SAMHD1: variants seen among roughly 807,000 people sequenced by gnomAD.
SAMHD1 encodes the protein deoxynucleoside triphosphate triphosphohydrolase SAMHD1.
SAMHD1 carries 54 observed loss-of-function variants against 79.6 expected under a neutral mutation model. The observed-to-expected ratio is 0.68, with a 90% CI of 0.55 to 0.85. The LOEUF (loss-of-function observed/expected upper bound fraction) is 0.85. SAMHD1 is among the 40% of genes least tolerant of loss of function. The probability of loss-of-function intolerance (pLI) is 0.00; values close to 1 mark genes in which losing one functional copy is unlikely to be tolerated. For synonymous variants in SAMHD1, 260 were observed against 264.1 expected (o/e 0.98, Z 0.15); for missense variants, 663 against 782.7 (o/e 0.85, Z 1.82).
At chr20:36,944,318 CAAAAAAAAAAAA>C (rs34572620) in intron 2 of SAMHD1, among the ~76,000 whole-genome samples, 1 of 71,098 alleles carries the variant, frequency 1.4e-5, no homozygotes, top group African/African-American at 5.8e-5. Flanking sequence ...GACTTCGTCT[CAAAAAAAAAAAA>C]AAAAAGAAAG....
chr20:36,893,045 G>A lies in SAMHD1; in HGVS notation c.1768C>T (p.Leu590Phe). Residue 590 changes from leucine to phenylalanine, a missense_variant, in exon 16 of 16, where the codon CTC becomes TTC. Physicochemically the swap from Leu to Phe is conservative, Grantham distance 22. Coordinates refer to ENST00000646673, the MANE Select transcript of SAMHD1 (RefSeq NM_015474.4). ...KPQDGDVIAP[L>F]ITPQKKEWND... is the part of the protein sequence containing the mutation. ...CATTCCTTTTTTTGAGGTGTTATGA[G>A]TGGGGCTATAACATCGCCATCCTAT... 6.2e-7 allele frequency: 1 copy of A among 1,613,680 alleles called. No individual in the cohort carries two copies. Among genetic ancestry groups the A allele is most frequent in the Non-Finnish European group, 8.5e-7 (1 of 1,179,984 alleles).
chr20:36,930,287 G>A (rs2063560719), intron 5 of SAMHD1, among the ~76,000 whole-genome samples: 1 of 152,086 alleles, frequency 6.6e-6, no homozygotes, highest in Non-Finnish European at 1.5e-5. Context: ...CCTGAGGTCA[G>A]GAGTTCGAGA....
chr20:36,893,055 A>G lies in SAMHD1; in HGVS notation c.1758T>C (p.Val586=), dbSNP rs755019176. The G allele has an allele frequency of 6.2e-7, 1 of 1,613,552 alleles. No individual in the cohort carries two copies. Among genetic ancestry groups the G allele is most frequent in the Non-Finnish European group, 8.5e-7 (1 of 1,180,018 alleles). Residue 586 remains valine (V), a synonymous_variant, in exon 16 of 16, where the codon GTT becomes GTC. Coordinates refer to ENST00000646673, the MANE Select transcript of SAMHD1 (RefSeq NM_015474.4). ...RNFTKPQDGD[V]IAPLITPQKK... is the part of the protein sequence containing the mutation. ...TTTGAGGTGTTATGAGTGGGGCTAT[A>G]ACATCGCCATCCTATTAGGAAGAGA... is the stretch of plus-strand genomic sequence containing the variant.
intron 11 of SAMHD1, among the ~76,000 whole-genome samples, chr20:36,906,070 G>A (rs144851313): frequency 1.1e-3 from 160 of 152,256 alleles, no homozygotes; most frequent in African/African-American, 3.7e-3. Flanking sequence ...CATTGGAGTT[G>A]ATGACTGCTG....
At chr20:36,933,534 G>C (rs1317391374) in intron 4 of SAMHD1, among the ~76,000 whole-genome samples, 2 of 152,034 alleles carry the variant, frequency 1.3e-5, no homozygotes, top group Non-Finnish European at 2.9e-5. Flanking sequence ...TTCTCACTCT[G>C]TCACCCAGGC....
intron 6 of SAMHD1, chr20:36,926,892 T>C (rs2063539765): frequency 3.0e-6 from 1 of 331,548 alleles, no homozygotes; most frequent in African/African-American, 2.1e-5. Context: ...CAACTGGTTT[T>C]GTATTGCTGA....
chr20:36,911,194 T>C (rs749296626), intron 11 of SAMHD1, 24 bp downstream of exon 11: 1 of 1,393,794 alleles, frequency 7.2e-7, no homozygotes, highest in South Asian at 1.2e-5. Context: ...AGATGGACCA[T>C]CTATGTTACC....
chr20:36,911,098 A>T (rs1334361814), intron 11 of SAMHD1, 120 bp downstream of exon 11: 4 of 640,812 alleles, frequency 6.2e-6, no homozygotes, highest in Non-Finnish European at 8.0e-6. Flanking sequence ...TATTTTTTTA[A>T]AATTAAATAA....
At position 36,947,405 on chromosome 20, in the gene SAMHD1, G is replaced by GGTGTGT. The variant is rs771698070; in HGVS notation, c.209-607_209-602dup. On this transcript the variant is annotated intron_variant, in intron 1 of 15. Coordinates refer to ENST00000646673, the MANE Select transcript of SAMHD1 (RefSeq NM_015474.4). The stretch of plus-strand genomic sequence containing the variant: ...GAAGAGGTGTGTGTGATTTGGAAGA[G>GGTGTGT]GTGTGTGTGTGTGTGTGTGTGTGTG... Among the ~76,000 whole-genome samples, 199 of 29,114 alleles carry GGTGTGT rather than the reference G, an allele frequency of 6.8e-3. 34 individuals carry two copies. Among genetic ancestry groups the GGTGTGT allele is most frequent in the African/African-American group, 0.036 (150 of 4,144 alleles). The allele number at this position is 29,114 out of a possible 152,430, so 19.1% of individuals were successfully genotyped here.
intron 2 of SAMHD1, among the ~76,000 whole-genome samples, chr20:36,942,960 T>C (rs866636986): frequency 2.8e-4 from 42 of 152,082 alleles, no homozygotes; most frequent in African/African-American, 9.7e-4. Context: ...CTGGCCTGTT[T>C]CTTACTTGTT....
intron 7 of SAMHD1, 112 bp downstream of exon 7, chr20:36,919,252 C>T: frequency 3.1e-6 from 3 of 976,394 alleles, no homozygotes; most frequent in East Asian, 2.5e-5. Flanking sequence ...ACATAGAACT[C>T]ATATTTTATC....
intron 15 of SAMHD1, chr20:36,893,875 C>A (rs1480111694): frequency 5.0e-6 from 2 of 398,506 alleles, no homozygotes; most frequent in African/African-American, 4.1e-5. Context: ...TTTCTCAGCT[C>A]CCATGCCTGT....
intron 1 of SAMHD1, among the ~76,000 whole-genome samples, chr20:36,951,078 C>A (rs997493126): frequency 2.6e-5 from 4 of 152,248 alleles, no homozygotes; most frequent in Non-Finnish European, 4.4e-5. Flanking sequence ...AAGAAACCCA[C>A]GAGAGTGAGA....
chr20:36,928,464 A>G (rs2063549403), intron 5 of SAMHD1, among the ~76,000 whole-genome samples: 1 of 152,048 alleles, frequency 6.6e-6, no homozygotes, highest in African/African-American at 2.4e-5. Context: ...AGGCGGGTAG[A>G]TCACGAGGTC....
intron 4 of SAMHD1, among the ~76,000 whole-genome samples, chr20:36,934,201 A>G (rs572662904): frequency 6.6e-6 from 1 of 151,942 alleles, no homozygotes; most frequent in East Asian, 1.9e-4. Flanking sequence ...AATACATAAA[A>G]TAAATAAATT....
In SAMHD1 at chr20:36,946,140, G is replaced by C. The variant is rs2063684394; in HGVS notation, c.275+598C>G. Among the ~76,000 whole-genome samples the C allele has an allele frequency of 3.3e-5, 5 of 151,820 alleles. No individual in the cohort carries two copies. In the South Asian group the frequency reaches 1.0e-3, roughly 32 times the overall value. ...TCTACTAAAAGTACAAAAATCAGTG[G>C]GGCAGCCGGGCGCGGTAATTCCAGC... is the stretch of plus-strand genomic sequence containing the variant. On this transcript the variant is annotated intron_variant, in intron 2 of 15. Coordinates refer to ENST00000646673, the MANE Select transcript of SAMHD1 (RefSeq NM_015474.4).
At chr20:36,914,258 C>T (rs1314717267) in intron 9 of SAMHD1, among the ~76,000 whole-genome samples, 1 of 152,146 alleles carries the variant, frequency 6.6e-6, no homozygotes, top group Non-Finnish European at 1.5e-5. Flanking sequence ...CCTGAGCCTA[C>T]TTAATGTGAA....
intron 6 of SAMHD1, 61 bp from the exon 7 acceptor site, chr20:36,919,580 A>G (rs1216419743): frequency 1.3e-6 from 2 of 1,482,260 alleles, no homozygotes; most frequent in South Asian, 1.1e-5. Flanking sequence ...AGCCCTGACT[A>G]ACAAAATTAT....
At chr20:36,940,952 T>C (rs2146144398) in intron 3 of SAMHD1, 87 bp downstream of exon 3, 1 of 978,486 alleles carries the variant, frequency 1.0e-6, no homozygotes, top group East Asian at 2.5e-5. Context: ...GAAGCAGATT[T>C]CCTCCTATTC....
Sources: allele counts gnomAD v4.1 joint callset (sites outside exome capture counted in the v4.1 genomes callset), GRCh38; gene constraint gnomAD v4.1.1; transcripts MANE v1.5; gene names NCBI Gene and HGNC (gene_info 2026-07-23, HGNC 2026-07-21).